The following TOX2 variants were observed in gnomAD, a reference collection of about 807,000 sequenced individuals.
The protein encoded by TOX2 is granulosa cell HMG box 1.
TOX2 carries 15 observed loss-of-function variants against 47.4 expected under a neutral mutation model. The observed-to-expected ratio is 0.32, with a 90% CI of 0.21 to 0.49. TOX2 has a LOEUF of 0.49. Ranked by LOEUF, TOX2 falls within the 20% of genes least tolerant of loss-of-function variation. TOX2 has a pLI of 0.99. For missense variants in TOX2, 622 were observed against 673.1 expected (o/e 0.92, Z 0.84); for synonymous variants, 290 against 296.6 (o/e 0.98, Z 0.23).
chr20:43,947,373 T>G (rs6031254), intron 1 of TOX2, among the ~76,000 whole-genome samples: 1 of 152,218 alleles, frequency 6.6e-6, no homozygotes, highest in South Asian at 2.1e-4. Context: ...GTGCACACAC[T>G]CACTGTGTAA....
chr20:43,931,398 T>C (rs1488433177), intron 1 of TOX2, among the ~76,000 whole-genome samples: 1 of 152,200 alleles, frequency 6.6e-6, no homozygotes, highest in Non-Finnish European at 1.5e-5. Flanking sequence ...GCCTCCCAAG[T>C]AGCTGGGACT....
At chr20:43,992,174 G>A (rs1017804658) in intron 2 of TOX2, among the ~76,000 whole-genome samples, 2 of 152,206 alleles carry the variant, frequency 1.3e-5, no homozygotes, top group Admixed American at 6.5e-5. Flanking sequence ...GCCCCGCAGT[G>A]GGAGTGTGCC....
In TOX2 at chr20:43,915,988, T is replaced by A. The variant is rs2069050845; in HGVS notation, c.99+998T>A. Among the ~76,000 whole-genome samples, 2 of 152,158 alleles carry A rather than the reference T, an allele frequency of 1.3e-5. No individual in the cohort carries two copies. Among genetic ancestry groups the A allele is most frequent in the Admixed American group, 6.5e-5 (1 of 15,282 alleles). The stretch of plus-strand genomic sequence containing the variant: ...CCGGGTCTGGCCCAGCCTGGATGGG[T>A]TGGGTGCCTCTAAGCAGTCCGCGTC... On this transcript the variant is annotated intron_variant, in intron 1 of 8. Transcript: ENST00000341197. This position sits in a 1 kb window ranked among gnomAD's most constrained non-coding sequence, Gnocchi z 7.1.
chr20:43,917,505 C>G (rs961065090), intron 1 of TOX2, among the ~76,000 whole-genome samples: 1 of 152,146 alleles, frequency 6.6e-6, no homozygotes, highest in Non-Finnish European at 1.5e-5. Flanking sequence ...ACAAGAGGCT[C>G]GTTGCACAGG....
intron 1 of TOX2, among the ~76,000 whole-genome samples, chr20:43,925,046 C>T (rs757337776): frequency 6.6e-6 from 1 of 152,304 alleles, no homozygotes; most frequent in South Asian, 2.1e-4. Flanking sequence ...CTCATATCAT[C>T]GTGGTCTATT....
intron 5 of TOX2, among the ~76,000 whole-genome samples, chr20:44,061,771 A>G (rs1016189998): frequency 2.0e-5 from 3 of 152,298 alleles, no homozygotes; most frequent in South Asian, 4.1e-4. Flanking sequence ...GTTGTATCAG[A>G]AAGATAATCC....
intron 3 of TOX2, among the ~76,000 whole-genome samples, chr20:44,049,271 A>C (rs1442706672): frequency 6.6e-6 from 1 of 152,248 alleles, no homozygotes; most frequent in African/African-American, 2.4e-5. Flanking sequence ...GAATGGAAAA[A>C]TATACTGCTG....
At chr20:44,014,754 T>G (rs1261010888) in intron 3 of TOX2, among the ~76,000 whole-genome samples, 1 of 152,142 alleles carries the variant, frequency 6.6e-6, no homozygotes, top group African/African-American at 2.4e-5. Flanking sequence ...TTTAACCACT[T>G]TATTGACGGG....
chr20:43,978,361 G>A (rs189332774), intron 2 of TOX2, among the ~76,000 whole-genome samples: 43 of 152,022 alleles, frequency 2.8e-4, no homozygotes, highest in African/African-American at 8.4e-4. Flanking sequence ...CCTCCCTCCC[G>A]CCCTTCTTCT....
intron 3 of TOX2, among the ~76,000 whole-genome samples, chr20:44,023,199 C>A (rs541529639): frequency 5.0e-4 from 76 of 151,864 alleles, no homozygotes; most frequent in African/African-American, 1.8e-3. Flanking sequence ...GAGGCCGAGG[C>A]GAGCAGATCA....
intron 3 of TOX2, chr20:44,039,339 T>C (rs1443926705): frequency 2.1e-5 from 27 of 1,278,858 alleles, no homozygotes; most frequent in Non-Finnish European, 2.7e-5. Flanking sequence ...AGGAGAGAGA[T>C]TGTACAGATC....
intron 2 of TOX2, among the ~76,000 whole-genome samples, chr20:43,995,939 T>C (rs1198081414): frequency 6.6e-6 from 1 of 152,234 alleles, no homozygotes; most frequent in Non-Finnish European, 1.5e-5. Flanking sequence ...TTCAGGTTGA[T>C]TCCATGTTTG....
chr20:44,010,621 G>C (rs1344626044), intron 3 of TOX2, among the ~76,000 whole-genome samples: 1 of 152,184 alleles, frequency 6.6e-6, no homozygotes, highest in Non-Finnish European at 1.5e-5. Context: ...GTGGCTCTGT[G>C]TGTGCGTGGG....
chr20:43,942,892 A>G (rs2069419288), intron 1 of TOX2, among the ~76,000 whole-genome samples: 1 of 152,132 alleles, frequency 6.6e-6, no homozygotes, highest in Non-Finnish European at 1.5e-5. Context: ...ATTAAAAAAG[A>G]ACTAAAAAAA....
At chr20:44,008,572 A>T (rs1295842549) in intron 3 of TOX2, among the ~76,000 whole-genome samples, 3 of 143,960 alleles carry the variant, frequency 2.1e-5, no homozygotes, top group Non-Finnish European at 4.6e-5. Flanking sequence ...AAAAAAAAAA[A>T]TAATAATGGC....
chr20:44,066,472 A>G (rs2071823606), intron 7 of TOX2, among the ~76,000 whole-genome samples: 1 of 152,186 alleles, frequency 6.6e-6, no homozygotes, highest in South Asian at 2.1e-4. Flanking sequence ...GGGTTCAGTA[A>G]TTCCATTTTA....
intron 1 of TOX2, among the ~76,000 whole-genome samples, chr20:43,952,713 T>C (rs764385967): frequency 1.3e-5 from 2 of 152,108 alleles, no homozygotes; most frequent in Non-Finnish European, 2.9e-5. Flanking sequence ...GAGCCAGATA[T>C]TGGAGAGCAG....
intron 5 of TOX2, among the ~76,000 whole-genome samples, chr20:44,062,204 C>G (rs1310281913): frequency 6.6e-6 from 1 of 151,826 alleles, no homozygotes; most frequent in Non-Finnish European, 1.5e-5. Context: ...TTATCATATA[C>G]CTAGAAAACC....
At chr20:43,917,492 C>T (rs1015683936) in intron 1 of TOX2, among the ~76,000 whole-genome samples, 1 of 152,180 alleles carries the variant, frequency 6.6e-6, no homozygotes, top group Non-Finnish European at 1.5e-5. Context: ...GCTCTGTCCG[C>T]AGACAAGAGG....
Sources: allele counts gnomAD v4.1 joint callset (sites outside exome capture counted in the v4.1 genomes callset), GRCh38; gene constraint gnomAD v4.1.1; non-coding constraint Gnocchi (gnomAD v3.1); transcripts MANE v1.5; gene names NCBI Gene and HGNC (gene_info 2026-07-23, HGNC 2026-07-21).